CDKAL1: variants seen among roughly 807,000 people sequenced by gnomAD.
CDKAL1 encodes the protein CDKAL1 threonylcarbamoyladenosine tRNA methylthiotransferase, also known as threonylcarbamoyladenosine tRNA methylthiotransferase.
In CDKAL1, 32 loss-of-function variants were observed where a neutral mutation model predicts 68.2. The observed-to-expected ratio is 0.47, with a 90% CI of 0.35 to 0.63. CDKAL1 has a LOEUF of 0.63. CDKAL1 is among the 30% of genes least tolerant of loss of function. The pLI, the probability that CDKAL1 is intolerant of heterozygous loss-of-function variation, is 0.00. For synonymous variants in CDKAL1, 234 were observed against 244.3 expected, an observed-to-expected ratio of 0.96 and a Z score of 0.39; for missense variants, 606 against 696.7, an observed-to-expected ratio of 0.87 and a Z score of 1.47.
chr6:21,069,770 CTTTCTTTT>C (rs1312495252), intron 12 of CDKAL1, among the ~76,000 whole-genome samples: 3 of 42,252 alleles, frequency 7.1e-5, no homozygotes, highest in Admixed American at 3.6e-4. Context: ...CCCAGATTTT[CTTTCTTTT>C]TTTTTTTTTT....
At chr6:20,573,806 AG>A (rs1411655621) in intron 4 of CDKAL1, among the ~76,000 whole-genome samples, 2 of 152,304 alleles carry the variant, frequency 1.3e-5, no homozygotes, top group Non-Finnish European at 2.9e-5. Context: ...CTATTGAATA[AG>A]GATGCCGTAC....
chr6:21,147,085 G>T (rs890682561), intron 13 of CDKAL1, among the ~76,000 whole-genome samples: 3 of 152,120 alleles, frequency 2.0e-5, no homozygotes, highest in African/African-American at 4.8e-5. Flanking sequence ...TGACTGGTGG[G>T]GGGGAAGTGA....
intron 5 of CDKAL1, among the ~76,000 whole-genome samples, chr6:20,662,465 T>C (rs1769332688): frequency 1.3e-5 from 2 of 152,164 alleles, no homozygotes; most frequent in African/African-American, 4.8e-5. Flanking sequence ...TTACTGTTTT[T>C]GTAGCTCTAA....
chr6:20,794,361 T>C (rs1776025202), intron 8 of CDKAL1, among the ~76,000 whole-genome samples: 1 of 152,128 alleles, frequency 6.6e-6, no homozygotes, highest in Non-Finnish European at 1.5e-5. Flanking sequence ...GCATGACAGT[T>C]CACACAGTGA....
chr6:20,551,286 T>G (rs1763812804), intron 4 of CDKAL1, among the ~76,000 whole-genome samples: 1 of 152,210 alleles, frequency 6.6e-6, no homozygotes, highest in Non-Finnish European at 1.5e-5. Context: ...TGGCAAGTCC[T>G]AGCTATAAGA....
intron 8 of CDKAL1, among the ~76,000 whole-genome samples, chr6:20,826,340 T>G (rs1014366604): frequency 6.6e-6 from 1 of 152,210 alleles, no homozygotes; most frequent in Non-Finnish European, 1.5e-5. Flanking sequence ...TTTTATCCTC[T>G]GATTTTTAAA....
intron 5 of CDKAL1, among the ~76,000 whole-genome samples, chr6:20,678,574 A>G (rs1770232258): frequency 6.6e-6 from 1 of 152,170 alleles, no homozygotes. Context: ...GAATTACTAT[A>G]TGTTGTAGGA....
rs758989289 is a variant in CDKAL1, at chr6:21,065,110, AT to A, written c.1122del (p.Gln375LysfsTer4). On this transcript the variant is annotated frameshift_variant, in exon 12 of 16. Coordinates refer to ENST00000274695, the MANE Select transcript of CDKAL1 (RefSeq NM_017774.3). LOFTEE classifies it high-confidence loss of function. ...ICGFPGETDQ[D>X]FQETVKLVEE... ...GGTTTTCCTGGAGAAACAGATCAGGATTTTCAAGAAACAGTGAAACTTGTTG... is the reference window on the plus strand; with the variant it reads ...GGTTTTCCTGGAGAAACAGATCAGGATTTCAAGAAACAGTGAAACTTGTTG... 6.2e-7 allele frequency: 1 copy of A among 1,607,622 alleles called. No individual in the cohort carries two copies. The highest frequency in any genetic ancestry group is 1.7e-5 in the Admixed American group (1 of 59,282).
chr6:21,045,320 T>C (rs1314351889), intron 11 of CDKAL1, among the ~76,000 whole-genome samples: 3 of 152,166 alleles, frequency 2.0e-5, no homozygotes, highest in Non-Finnish European at 4.4e-5. Flanking sequence ...ATCTAAATAA[T>C]CCTCAGATTC....
At chr6:20,968,494 C>G (rs1468278295) in intron 10 of CDKAL1, among the ~76,000 whole-genome samples, 2 of 151,984 alleles carry the variant, frequency 1.3e-5, no homozygotes, top group East Asian at 3.9e-4. Flanking sequence ...GAGGTTTTGG[C>G]CACTATTTGT....
At chr6:21,106,199 A>G (rs1773836038) in intron 12 of CDKAL1, among the ~76,000 whole-genome samples, 1 of 152,234 alleles carries the variant, frequency 6.6e-6, no homozygotes, top group East Asian at 1.9e-4. Flanking sequence ...AATTGAAATG[A>G]ATTACAGAAA....
intron 5 of CDKAL1, among the ~76,000 whole-genome samples, chr6:20,714,760 A>G (rs939611947): frequency 2.7e-5 from 4 of 148,900 alleles, no homozygotes; most frequent in African/African-American, 1.0e-4. Flanking sequence ...TAACTTAACT[A>G]ATATTTTAAA....
intron 4 of CDKAL1, among the ~76,000 whole-genome samples, chr6:20,605,288 C>T (rs1207717484): frequency 2.0e-5 from 3 of 152,160 alleles, no homozygotes; most frequent in African/African-American, 7.2e-5. Flanking sequence ...GGTCACTCCA[C>T]CAGGTAAAGA....
intron 9 of CDKAL1, among the ~76,000 whole-genome samples, chr6:20,862,471 A>G (rs1256076441): frequency 6.6e-6 from 1 of 152,234 alleles, no homozygotes; most frequent in Non-Finnish European, 1.5e-5. Flanking sequence ...AAATAGTATA[A>G]TACTAAGTCT....
chr6:20,950,925 G>A (rs934184629), intron 9 of CDKAL1, among the ~76,000 whole-genome samples: 4 of 151,156 alleles, frequency 2.6e-5, no homozygotes, highest in Non-Finnish European at 4.4e-5. Flanking sequence ...AGCCGAGATC[G>A]TGCCATTGCA....
At chr6:20,955,634 C>G (rs1472936377) in intron 10 of CDKAL1, 49 bp downstream of exon 10, 1 of 1,540,044 alleles carries the variant, frequency 6.5e-7, no homozygotes, top group South Asian at 1.2e-5. Flanking sequence ...CTAACCAGTC[C>G]AGACAGTGTG....
intron 5 of CDKAL1, among the ~76,000 whole-genome samples, chr6:20,699,007 T>A (rs1285285010): frequency 6.6e-6 from 1 of 152,142 alleles, no homozygotes; most frequent in East Asian, 1.9e-4. Context: ...TTTTAAAAAC[T>A]CTCTTGTATA....
intron 11 of CDKAL1, among the ~76,000 whole-genome samples, chr6:21,002,396 A>G (rs1053412269): frequency 1.3e-5 from 2 of 152,128 alleles, no homozygotes; most frequent in African/African-American, 4.8e-5. Context: ...ACTCCATCCC[A>G]TACCCCCCCA....
chr6:20,878,432 A>G (rs1413512247), intron 9 of CDKAL1, among the ~76,000 whole-genome samples: 1 of 152,238 alleles, frequency 6.6e-6, no homozygotes, highest in Non-Finnish European at 1.5e-5. Context: ...TAAGTAAATC[A>G]GTAAATCTTT....
Sources: gnomAD v4.1 joint callset for allele counts (sites outside exome capture counted in the v4.1 genomes callset) on GRCh38, gnomAD v4.1.1 for gene constraint, MANE v1.5 for transcripts, NCBI Gene and HGNC (gene_info 2026-07-23, HGNC 2026-07-21) for gene names.